Variants in NPLOC4 observed in about 807,000 individuals in gnomAD.
NPLOC4 encodes NPL4 homolog, ubiquitin recognition factor, also known as nuclear protein localization protein 4 homolog.
NPLOC4 carries 18 observed loss-of-function variants against 80.6 expected under a neutral mutation model. That is an observed-to-expected ratio of 0.22 (90% CI 0.15 to 0.33). The LOEUF (loss-of-function observed/expected upper bound fraction) is 0.33, where lower values mean the gene tolerates loss of function less well. Among genes scored for constraint, NPLOC4 ranks in the 10% least tolerant of loss-of-function variants. The probability of loss-of-function intolerance (pLI) is 1.00; values close to 1 mark genes in which losing one functional copy is unlikely to be tolerated. For missense variants in NPLOC4, 540 were observed against 786.1 expected (o/e 0.69, Z 3.74); for synonymous variants, 313 against 301.5 (o/e 1.04, Z -0.39).
At chr17:81,604,162 GGT>G (rs1370348967) in intron 8 of NPLOC4, among the ~76,000 whole-genome samples, 1 of 152,106 alleles carries the variant, frequency 6.6e-6, no homozygotes, top group African/African-American at 2.4e-5. Flanking sequence ...TTGGTGCTGA[GGT>G]GTGTCTGTGG....
In NPLOC4 at chr17:81,599,897, A is replaced by G. The variant is rs755199456; in HGVS notation, c.921+444T>C. On this transcript the variant is annotated intron_variant, in intron 9 of 16. Coordinates refer to ENST00000331134, the MANE Select transcript of NPLOC4 (RefSeq NM_017921.4). ...GCAGCAGAAGCTCCAAGTGCATGGC[A>G]CAGAACATGAACACTGTCAATGGAA... Among the ~76,000 whole-genome samples, 192 of 152,338 alleles carry G rather than the reference A, an allele frequency of 1.3e-3. 2 individuals are homozygous for G. The highest frequency in any genetic ancestry group is 2.1e-3 in the Non-Finnish European group (146 of 68,038).
intron 12 of NPLOC4, among the ~76,000 whole-genome samples, chr17:81,581,072 T>C (rs2034425571): frequency 6.6e-6 from 1 of 152,086 alleles, no homozygotes; most frequent in Non-Finnish European, 1.5e-5. Context: ...ACAGTAAGGC[T>C]GGAAGCGGTG....
Position 81,608,834 on chromosome 17 carries a change from CAG to C in NPLOC4, c.436-14_436-13del. On this transcript the variant is annotated splice_polypyrimidine_tract_variant and intron_variant, in intron 5 of 16. Coordinates refer to ENST00000331134, the MANE Select transcript of NPLOC4 (RefSeq NM_017921.4). The stretch of plus-strand genomic sequence containing the variant: ...TCCTCATCGAATGGCTGCCAAGACA[CAG>C]AGTAAGCGAGTGCAGTCTCACACGT... 1 of 1,565,774 alleles carries C rather than the reference CAG, an allele frequency of 6.4e-7. No individual in the cohort carries two copies. The highest frequency in any genetic ancestry group is 8.7e-7 in the Non-Finnish European group (1 of 1,154,092).
chr17:81,569,184 G>A (rs1598619759), intron 13 of NPLOC4, 73 bp from the exon 14 acceptor site: 2 of 955,154 alleles, frequency 2.1e-6, no homozygotes, highest in African/African-American at 3.2e-5. Flanking sequence ...CCAGCCCAGA[G>A]CATCTCCCAG....
intron 12 of NPLOC4, among the ~76,000 whole-genome samples, chr17:81,585,422 G>C (rs1189247225): frequency 6.6e-6 from 1 of 151,974 alleles, no homozygotes. Flanking sequence ...CCAGCACTTA[G>C]GGAGGCCAAA....
intron 8 of NPLOC4, among the ~76,000 whole-genome samples, chr17:81,602,924 C>CATACATATATATGTATATAT (rs2035097870): frequency 2.9e-5 from 3 of 103,760 alleles, no homozygotes; most frequent in African/African-American, 4.3e-5. Context: ...TGTATATATA[C>CATACATATATATGTATATAT]ACACACACAT....
rs1417782756 is a variant in NPLOC4, at chr17:81,600,532, C to T, written c.835-105G>A. 24 of 790,314 alleles carry T rather than the reference C, an allele frequency of 3.0e-5. No homozygotes were observed. The East Asian group carries it at 6.4e-4, about 21-fold the overall frequency. The allele number at this position is 790,314 out of a possible 1,614,324, so 49.0% of individuals were successfully genotyped here. On this transcript the variant is annotated intron_variant, in intron 8 of 16. Transcript: ENST00000331134. ...TCTAGGTCACAAGGAGTGCTGGGGG[C>T]CTCCTTGTCAGAAAGGAGAACTATA...
chr17:81,590,156 C>G (rs2034700035), intron 11 of NPLOC4, among the ~76,000 whole-genome samples: 1 of 152,250 alleles, frequency 6.6e-6, no homozygotes, highest in Admixed American at 6.5e-5. Context: ...TGCCACCAGG[C>G]GTCATCACAC....
At chr17:81,629,040 G>A (rs564967160) in intron 2 of NPLOC4, among the ~76,000 whole-genome samples, 35 of 151,928 alleles carry the variant, frequency 2.3e-4, no homozygotes, top group East Asian at 1.2e-3. Flanking sequence ...CACCACACCC[G>A]GCTAATTTTT....
At chr17:81,585,522 C>T (rs965407874) in intron 12 of NPLOC4, among the ~76,000 whole-genome samples, 2 of 152,002 alleles carry the variant, frequency 1.3e-5, no homozygotes, top group East Asian at 1.9e-4. Context: ...GTTAGCCAGG[C>T]GTGGTGGTGC....
intron 5 of NPLOC4, 26 bp from the exon 6 acceptor site, chr17:81,608,848 G>T: frequency 6.5e-7 from 1 of 1,540,162 alleles, no homozygotes; most frequent in East Asian, 2.4e-5. Context: ...GTAAGCGAGT[G>T]CAGTCTCACA....
At chr17:81,586,147 A>G (rs1448644235) in intron 12 of NPLOC4, among the ~76,000 whole-genome samples, 1 of 152,130 alleles carries the variant, frequency 6.6e-6, no homozygotes, top group African/African-American at 2.4e-5. Flanking sequence ...TCCAAACCAG[A>G]TAAGAAGACC....
intron 5 of NPLOC4, 86 bp from the exon 6 acceptor site, chr17:81,608,908 C>T: frequency 2.9e-6 from 3 of 1,029,514 alleles, no homozygotes; most frequent in Non-Finnish European, 4.4e-6. Flanking sequence ...AGGGGGAGGC[C>T]AGCAGCATGG....
At chr17:81,629,663 C>T (rs567118994) in intron 2 of NPLOC4, 62 bp downstream of exon 2, 5 of 1,194,634 alleles carry the variant, frequency 4.2e-6, no homozygotes, top group East Asian at 2.3e-5. Context: ...GAAAAGGTAT[C>T]GATGGCAGTA....
chr17:81,567,468 T>A lies in NPLOC4; in HGVS notation c.1515A>T (p.Ser505=), dbSNP rs768056872. ...NTSSVFLDTI[S]DFHLLLFLVT... Reference sequence around the variant, plus strand: ...CCAGGAACAGCAAGAGGTGGAAATCTGAGATGGTATCCAAGAACACAGATG... The same window carrying A: ...CCAGGAACAGCAAGAGGTGGAAATCAGAGATGGTATCCAAGAACACAGATG... Residue 505 remains serine (S), a synonymous_variant, in exon 15 of 17, where the codon TCA becomes TCT. Coordinates refer to ENST00000331134, the MANE Select transcript of NPLOC4 (RefSeq NM_017921.4). This position sits in a 1 kb window ranked among gnomAD's most constrained non-coding sequence, Gnocchi z 4.5. The A allele has an allele frequency of 3.7e-6, 6 of 1,613,660 alleles. No individual in the cohort carries two copies. Among genetic ancestry groups the A allele is most frequent in the Non-Finnish European group, 5.1e-6 (6 of 1,179,770 alleles).
intron 16 of NPLOC4, 129 bp from the exon 17 acceptor site, chr17:81,559,545 T>G (rs989793858): frequency 7.1e-6 from 7 of 987,306 alleles, no homozygotes; most frequent in Non-Finnish European, 1.0e-5. Flanking sequence ...GTGCTGGTCC[T>G]GCCCACACAG....
chr17:81,564,118 A>ACACACACACACACACACACACACACACAC (rs1568114631), intron 16 of NPLOC4: 1 of 323,014 alleles, frequency 3.1e-6, no homozygotes, highest in African/African-American at 2.3e-5. Context: ...ACACACACAC[A>ACACACACACACACACACACACACACACAC]AAGAGCAGGG....
chr17:81,559,543 C>A (rs4076819), intron 16 of NPLOC4, 127 bp from the exon 17 acceptor site: 10 of 1,051,062 alleles, frequency 9.5e-6, no homozygotes, highest in Non-Finnish European at 1.4e-5. Context: ...CAGTGCTGGT[C>A]CTGCCCACAC....
At chr17:81,596,054 A>G in intron 11 of NPLOC4, 62 bp downstream of exon 11, 2 of 1,528,202 alleles carry the variant, frequency 1.3e-6, no homozygotes, top group Non-Finnish European at 1.8e-6. Context: ...AGCTACCAAA[A>G]AGAGGAACAA....
Sources: allele counts gnomAD v4.1 joint callset (sites outside exome capture counted in the v4.1 genomes callset), GRCh38; gene constraint gnomAD v4.1.1; non-coding constraint Gnocchi (gnomAD v3.1); transcripts MANE v1.5; gene names NCBI Gene and HGNC (gene_info 2026-07-23, HGNC 2026-07-21).